IFT122: variants seen among roughly 807,000 people sequenced by gnomAD.
IFT122 encodes intraflagellar transport protein 122 homolog.
IFT122 carries 118 observed loss-of-function variants against 161.6 expected under a neutral mutation model. That is an observed-to-expected ratio of 0.73 (90% CI 0.63 to 0.85). The LOEUF (loss-of-function observed/expected upper bound fraction) is 0.85, where lower values mean the gene tolerates loss of function less well. IFT122 is among the 40% of genes least tolerant of loss of function. IFT122 has a pLI of 0.00. For synonymous variants in IFT122, 550 were observed against 602.4 expected (o/e 0.91, Z 1.27); for missense variants, 1,381 against 1,579.6 (o/e 0.87, Z 2.13).
intron 9 of IFT122, among the ~76,000 whole-genome samples, chr3:129,474,125 T>C (rs889723688): frequency 1.3e-5 from 2 of 152,254 alleles, no homozygotes; most frequent in Non-Finnish European, 2.9e-5. Context: ...ATTAAACTTA[T>C]AATTGCAGTT....
chr3:129,455,604 C>G (rs2075383156), intron 3 of IFT122, among the ~76,000 whole-genome samples: 1 of 151,686 alleles, frequency 6.6e-6, no homozygotes, highest in Non-Finnish European at 1.5e-5. Context: ...ATTCCAGGCC[C>G]AGTTCTAAGC....
Position 129,449,876 on chromosome 3 carries a change from A to C in IFT122, c.47A>C (p.Asn16Thr), listed in dbSNP as rs746401252. ...TTCCCTTGTCTTCTGTTCAGTATAA[A>C]TGACATCGCATTTAAGCCTGATGGA... is the stretch of plus-strand genomic sequence containing the variant. ...TWRDKAEHCINDIAFKPDGTQ... is the reference protein window; with the variant it reads ...TWRDKAEHCITDIAFKPDGTQ... Residue 16 changes from asparagine (N) to threonine (T), a missense_variant, in exon 2 of 30, where the codon AAT becomes ACT. Asn to Thr is a moderately conservative substitution (Grantham distance 65). Transcript: ENST00000348417. 35 of 1,611,740 alleles carry C rather than the reference A, an allele frequency of 2.2e-5. No individual in the cohort carries two copies. The highest frequency in any genetic ancestry group is 2.9e-5 in the Non-Finnish European group (34 of 1,177,930).
At chr3:129,452,346 T>C (rs898107519) in intron 3 of IFT122, 1 of 294,594 alleles carries the variant, frequency 3.4e-6, no homozygotes, top group Non-Finnish European at 6.4e-6. Flanking sequence ...TTAAGTAGTA[T>C]GCTGGAAGGT....
Position 129,458,640 on chromosome 3 carries a change from A to T in IFT122, c.235A>T (p.Ile79Phe). 2 of 1,614,138 alleles carry T rather than the reference A, an allele frequency of 1.2e-6. No homozygotes were observed. Among genetic ancestry groups the T allele is most frequent in the Non-Finnish European group, 1.7e-6 (2 of 1,179,962 alleles). Residue 79 changes from isoleucine (I) to phenylalanine (F), a missense_variant, in exon 4 of 30, where the codon ATC (isoleucine) becomes TTC (phenylalanine). Physicochemically the swap from Ile to Phe is conservative, Grantham distance 21. Around this residue, in one of 7 missense-constraint regions of IFT122, gnomAD observed 134 missense variants for 137.4 expected, o/e 0.98. Coordinates refer to ENST00000348417, the MANE Select transcript of IFT122 (RefSeq NM_052989.3). ...ASGSADKSVI[I>F]WTSKLEGILK... ...TGGATCAGCTGACAAAAGCGTTATT[A>T]TCTGGACATCAAAACTGGAAGGCAT...
chr3:129,500,877 G>T lies in IFT122; in HGVS notation c.2375+809G>T, dbSNP rs77988858. ...CACCTACAGTCAGACACCCCCTCAG[G>T]CAGGCAGGTAGAATGGAGACCAGAT... On this transcript the variant is annotated intron_variant, in intron 19 of 29. Transcript: ENST00000348417. 8.8e-3 allele frequency among the ~76,000 whole-genome samples: 1,345 copies of T among 152,302 alleles called. 15 individuals carry two copies. Among genetic ancestry groups the T allele is most frequent in the African/African-American group, 0.031 (1,280 of 41,558 alleles).
At chr3:129,519,805 AG>A in intron 29 of IFT122, 73 bp downstream of exon 29, 1 of 1,573,856 alleles carries the variant, frequency 6.4e-7, no homozygotes, top group Admixed American at 1.7e-5. Flanking sequence ...TCCCTCTGGG[AG>A]GCGTGGCCCC....
intron 16 of IFT122, among the ~76,000 whole-genome samples, chr3:129,489,838 TAAAAA>T (rs1220023680): frequency 1.7e-5 from 2 of 117,138 alleles, no homozygotes; most frequent in South Asian, 2.7e-4. Flanking sequence ...GACTCTGACT[TAAAAA>T]AAAAAAAAAA....
At chr3:129,463,715 C>A in intron 6 of IFT122, 89 bp downstream of exon 6, 3 of 1,126,056 alleles carry the variant, frequency 2.7e-6, no homozygotes, top group South Asian at 1.3e-5. Flanking sequence ...CAGAGAAGGT[C>A]TTGTGTTAGG....
intron 15 of IFT122, among the ~76,000 whole-genome samples, chr3:129,485,825 C>G (rs2079208816): frequency 6.6e-6 from 1 of 152,236 alleles, no homozygotes; most frequent in Admixed American, 6.5e-5. Context: ...CGCAGCGGGT[C>G]AGGACTGCCA....
At chr3:129,458,920 T>C (rs868486162) in intron 4 of IFT122, among the ~76,000 whole-genome samples, 34 of 152,334 alleles carry the variant, frequency 2.2e-4, no homozygotes, top group African/African-American at 7.2e-4. Flanking sequence ...TCTCAGTTCA[T>C]CTGACATTGT....
chr3:129,492,294 C>CA, intron 17 of IFT122, 100 bp downstream of exon 17: 1 of 967,266 alleles, frequency 1.0e-6, no homozygotes, highest in South Asian at 1.3e-5. Context: ...GACATGGGAA[C>CA]AGAGCTCACT....
Position 129,460,790 on chromosome 3 carries a change from C to T in IFT122, c.273-438C>T, listed in dbSNP as rs183335606. On this transcript the variant is annotated intron_variant, in intron 4 of 29. Transcript: ENST00000348417. The stretch of plus-strand genomic sequence containing the variant: ...AGTGAAGGACTAAAACGGGTTGAGA[C>T]GCCTTGCATGGTACATGATTTGCTC... 2.7e-5 allele frequency: 36 copies of T among 1,336,496 alleles called. 1 individual carries two copies. The East Asian group carries it at 4.8e-4, about 18-fold the overall frequency. The allele number at this position is 1,336,496 out of a possible 1,614,324, so 82.8% of individuals were successfully genotyped here. A position where few individuals can be genotyped will look rare whatever the true frequency, so the allele number is the denominator to read the frequency against.
Position 129,478,175 on chromosome 3 carries a change from G to A in IFT122, c.1307G>A (p.Cys436Tyr). The A allele has an allele frequency of 1.9e-6, 3 of 1,614,156 alleles. No homozygotes were observed. The highest frequency in any genetic ancestry group is 2.5e-6 in the Non-Finnish European group (3 of 1,180,028). ...VKEKIIKKFE[C>Y]NLLVVCANHI... ...GAGAAGATTATCAAGAAGTTTGAGTGCAACCTCCTGGTGGTGTGTGCCAAT... is the reference window on the plus strand; with the variant it reads ...GAGAAGATTATCAAGAAGTTTGAGTACAACCTCCTGGTGGTGTGTGCCAAT... The change falls in exon 12 of 30, where the codon TGC becomes TAC. Residue 436 changes from cysteine (C) to tyrosine (Y), a missense_variant. Transcript: ENST00000348417.
At chr3:129,519,085 A>G (rs1349648619) in intron 27 of IFT122, 22 bp from the exon 28 acceptor site, 5 of 1,608,750 alleles carry the variant, frequency 3.1e-6, no homozygotes, top group Non-Finnish European at 4.3e-6. Flanking sequence ...TTCTGATTCC[A>G]TCCTTGACCA....
Position 129,440,331 on chromosome 3 carries a change from ATGAGGGCCGTGT to A in IFT122, c.5_16del (p.ArgAlaValLeu2_?5), listed in dbSNP as rs1336112788. ...AGCCCGAGCCGTAAGGGAAGCCGTG[ATGAGGGCCGTGT>A]TGACGTGGAGAGATAAAGCCGAGCA... On this transcript the variant is annotated start_lost and inframe_deletion, in exon 1 of 30. Coordinates refer to ENST00000348417, the MANE Select transcript of IFT122 (RefSeq NM_052989.3). The A allele has an allele frequency of 6.4e-7, 1 of 1,550,882 alleles. No individual in the cohort carries two copies. The highest frequency in any genetic ancestry group is 8.7e-7 in the Non-Finnish European group (1 of 1,146,842).
At chr3:129,443,297 G>T (rs1156345426) in intron 1 of IFT122, among the ~76,000 whole-genome samples, 1 of 152,214 alleles carries the variant, frequency 6.6e-6, no homozygotes, top group African/African-American at 2.4e-5. Context: ...TGGGTGCAGG[G>T]TTGTCAGAGG....
At chr3:129,503,667 C>A (rs1578014756) in intron 20 of IFT122, among the ~76,000 whole-genome samples, 1 of 152,220 alleles carries the variant, frequency 6.6e-6, no homozygotes, top group South Asian at 2.1e-4. Context: ...CTGAACAGCT[C>A]CATTGGTGAG....
intron 4 of IFT122, 99 bp from the exon 5 acceptor site, chr3:129,461,129 A>G (rs980910146): frequency 7.9e-5 from 84 of 1,067,192 alleles, no homozygotes; most frequent in Admixed American, 1.2e-4. Context: ...CATGTGGTCT[A>G]AAGTCAGAGG....
At chr3:129,449,686 G>A (rs549349814) in intron 1 of IFT122, among the ~76,000 whole-genome samples, 185 bp from the exon 2 acceptor site, 1 of 152,240 alleles carries the variant, frequency 6.6e-6, no homozygotes, top group Non-Finnish European at 1.5e-5. Flanking sequence ...AGTGGATCAT[G>A]ATTGAATGGG....
Sources: gnomAD v4.1 joint callset for allele counts (sites outside exome capture counted in the v4.1 genomes callset) on GRCh38, gnomAD v4.1.1 for gene constraint, gnomAD v4.1.1 regional missense constraint, MANE v1.5 for transcripts, NCBI Gene and HGNC (gene_info 2026-07-23, HGNC 2026-07-21) for gene names.